Variants in NEK10 observed in about 807,000 individuals in gnomAD.
The protein encoded by NEK10 is serine/threonine-protein kinase Nek10.
Under a neutral mutation model 159.8 loss-of-function variants are expected in NEK10, and 122 were observed. That is an observed-to-expected ratio of 0.76 (90% confidence interval 0.66 to 0.89). NEK10 has a LOEUF of 0.89. Among genes scored for constraint, NEK10 ranks in the 40% least tolerant of loss-of-function variants. The probability of loss-of-function intolerance (pLI) is 0.00; values close to 1 mark genes in which losing one functional copy is unlikely to be tolerated. For missense variants in NEK10, 1,342 were observed against 1,323.1 expected (o/e 1.01, Z -0.22); for synonymous variants, 466 against 457.1 (o/e 1.02, Z -0.25).
intron 23 of NEK10, among the ~76,000 whole-genome samples, chr3:27,203,361 G>A (rs532217487): frequency 2.3e-4 from 35 of 152,222 alleles, no homozygotes; most frequent in Admixed American, 1.4e-3. Context: ...AATATGTTGC[G>A]GGAAATGACA....
At position 27,111,015 on chromosome 3, in the gene NEK10, A is replaced by G. The variant is rs1430981106; in HGVS notation, c.*257T>C. 1 of 330,600 alleles carries G rather than the reference A, an allele frequency of 3.0e-6. No individual in the cohort carries two copies. The highest frequency in any genetic ancestry group is 2.1e-5 in the African/African-American group (1 of 47,104). The allele number at this position is 330,600 out of a possible 1,614,324, so 20.5% of individuals were successfully genotyped here. On this transcript the variant is annotated 3_prime_UTR_variant, in exon 36 of 36. Coordinates refer to ENST00000691995, the MANE Select transcript of NEK10 (RefSeq NM_001394966.1). The stretch of plus-strand genomic sequence containing the variant: ...CCACCCTCCAAAAGATGAATTTTGC[A>G]GCATTTTCTCCCAGCAGCACACTGG...
intron 23 of NEK10, among the ~76,000 whole-genome samples, chr3:27,219,502 TTCTA>T (rs1182351214): frequency 5.3e-5 from 8 of 152,240 alleles, no homozygotes; most frequent in Non-Finnish European, 1.2e-4. Flanking sequence ...TTTCTGTCTT[TTCTA>T]TCTCTTTAGT....
intron 22 of NEK10, among the ~76,000 whole-genome samples, chr3:27,282,200 T>A (rs1169075965): frequency 6.6e-6 from 1 of 152,090 alleles, no homozygotes; most frequent in Non-Finnish European, 1.5e-5. Context: ...AGAAAAAGAA[T>A]AAAAAGTGGA....
intron 31 of NEK10, among the ~76,000 whole-genome samples, chr3:27,140,275 C>A (rs977870805): frequency 3.3e-5 from 5 of 152,162 alleles, no homozygotes; most frequent in African/African-American, 1.2e-4. Flanking sequence ...TTTCCAGATG[C>A]AAGTCAATTC....
rs146649854 is a variant in NEK10, at chr3:27,143,821, T to C, written c.2870-2239A>G. On this transcript the variant is annotated intron_variant, in intron 30 of 35. Coordinates refer to ENST00000691995, the MANE Select transcript of NEK10 (RefSeq NM_001394966.1). ...GTGTGTTGACTTCCACTCACTTCTC[T>C]ATCCATTTACATACATAAATGTACA... Among the ~76,000 whole-genome samples, 31 of 152,320 alleles carry C rather than the reference T, an allele frequency of 2.0e-4. No individual in the cohort carries two copies. In the East Asian group the frequency reaches 5.6e-3, roughly 27 times the overall value.
intron 31 of NEK10, among the ~76,000 whole-genome samples, chr3:27,136,121 T>C (rs1284682743): frequency 1.4e-5 from 2 of 143,758 alleles, no homozygotes; most frequent in Non-Finnish European, 3.0e-5. Flanking sequence ...TTTTTTTTTT[T>C]TTTTTTTTTG....
intron 26 of NEK10, among the ~76,000 whole-genome samples, chr3:27,187,196 G>C (rs1376086023): frequency 6.6e-6 from 1 of 152,148 alleles, no homozygotes; most frequent in African/African-American, 2.4e-5. Context: ...TTCAGCAGGG[G>C]CCAATAGAAG....
chr3:27,217,736 A>G (rs919849101), intron 23 of NEK10, among the ~76,000 whole-genome samples: 2 of 152,148 alleles, frequency 1.3e-5, no homozygotes, highest in Non-Finnish European at 2.9e-5. Flanking sequence ...TATAGACACA[A>G]AAATATTCAA....
chr3:27,135,913 C>T (rs1943143266), intron 31 of NEK10, among the ~76,000 whole-genome samples: 2 of 152,116 alleles, frequency 1.3e-5, no homozygotes, highest in African/African-American at 4.8e-5. Context: ...TGGTTCTAGT[C>T]TTATCCATCA....
intron 23 of NEK10, among the ~76,000 whole-genome samples, chr3:27,237,766 C>T (rs1281294169): frequency 6.6e-6 from 1 of 152,030 alleles, no homozygotes; most frequent in East Asian, 1.9e-4. Context: ...CACTTAAGAA[C>T]CTATCCATGC....
intron 22 of NEK10, among the ~76,000 whole-genome samples, chr3:27,269,985 T>C (rs1206178706): frequency 6.6e-6 from 1 of 152,218 alleles, no homozygotes; most frequent in Non-Finnish European, 1.5e-5. Flanking sequence ...CCACTGAAGT[T>C]GTAGTTTTGA....
chr3:27,164,952 G>T (rs1180091412), intron 29 of NEK10, among the ~76,000 whole-genome samples: 2 of 152,174 alleles, frequency 1.3e-5, no homozygotes, highest in Admixed American at 6.5e-5. Context: ...GTGCTAGTGG[G>T]ATATGTGACA....
At chr3:27,264,675 T>A (rs1288671522) in intron 22 of NEK10, among the ~76,000 whole-genome samples, 2 of 152,096 alleles carry the variant, frequency 1.3e-5, no homozygotes, top group Non-Finnish European at 2.9e-5. Flanking sequence ...GTGGAACAAC[T>A]GAGGTCAGAA....
chr3:27,125,914 T>A (rs570457804), intron 32 of NEK10, among the ~76,000 whole-genome samples: 1 of 152,092 alleles, frequency 6.6e-6, no homozygotes, highest in Non-Finnish European at 1.5e-5. Flanking sequence ...GGAACTTGAC[T>A]CAACACTGAA....
intron 23 of NEK10, among the ~76,000 whole-genome samples, chr3:27,217,010 G>C (rs1045259009): frequency 3.3e-5 from 5 of 152,020 alleles, no homozygotes; most frequent in African/African-American, 1.2e-4. Flanking sequence ...CAAAAACTTT[G>C]AAATAAAAAA....
chr3:27,362,761 T>A (rs2048777276), intron 1 of NEK10, among the ~76,000 whole-genome samples: 1 of 151,860 alleles, frequency 6.6e-6, no homozygotes, highest in South Asian at 2.1e-4. Context: ...ATTTGGCTAC[T>A]AAGTCCTATT....
chr3:27,234,641 A>T (rs1953700230), intron 23 of NEK10, among the ~76,000 whole-genome samples: 1 of 152,206 alleles, frequency 6.6e-6, no homozygotes, highest in African/African-American at 2.4e-5. Context: ...AAAACATTCC[A>T]TGTTCATGGA....
At chr3:27,227,905 A>T (rs1466988772) in intron 23 of NEK10, among the ~76,000 whole-genome samples, 1 of 152,202 alleles carries the variant, frequency 6.6e-6, no homozygotes, top group Non-Finnish European at 1.5e-5. Flanking sequence ...ATTTGAGTAA[A>T]AACTGCTTTG....
chr3:27,161,568 A>G lies in NEK10; in HGVS notation c.2869+1133T>C, dbSNP rs1575056755. Among the ~76,000 whole-genome samples, 3 of 152,260 alleles carry G rather than the reference A, an allele frequency of 2.0e-5. No homozygotes were observed. The East Asian group carries it at 5.8e-4, about 29-fold the overall frequency. Reference sequence around the variant, plus strand: ...ATGCTCAAGAGTTGTATGCTCACACATATGATAAAAGCATAATCATCAAAC... The same window carrying G: ...ATGCTCAAGAGTTGTATGCTCACACGTATGATAAAAGCATAATCATCAAAC... On this transcript the variant is annotated intron_variant, in intron 30 of 35. Transcript: ENST00000691995.
Sources: gnomAD v4.1 joint callset for allele counts (sites outside exome capture counted in the v4.1 genomes callset) on GRCh38, gnomAD v4.1.1 for gene constraint, MANE v1.5 for transcripts, NCBI Gene and HGNC (gene_info 2026-07-23, HGNC 2026-07-21) for gene names.